ANKAR: variants seen among roughly 807,000 people sequenced by gnomAD.
ANKAR encodes the protein ankyrin and armadillo repeat-containing protein.
A neutral mutation model predicts 146.2 loss-of-function variants in ANKAR; 136 were observed. That is an observed-to-expected ratio of 0.93 (90% CI 0.81 to 1.07). The LOEUF is 1.07. Ranked by LOEUF, ANKAR falls within the 50% of genes least tolerant of loss-of-function variation. The pLI is 0.00. For missense variants in ANKAR, 1,567 were observed against 1,679.9 expected (o/e 0.93, Z 1.18); for synonymous variants, 500 against 575.8 (o/e 0.87, Z 1.88).
intron 5 of ANKAR, among the ~76,000 whole-genome samples, chr2:189,693,435 G>A (rs543107330): frequency 6.6e-6 from 1 of 152,332 alleles, no homozygotes; most frequent in East Asian, 1.9e-4. Flanking sequence ...TTAAATAGGG[G>A]TAGAGATGGG....
At chr2:189,698,233 T>A (rs1448824638) in intron 7 of ANKAR, among the ~76,000 whole-genome samples, 3 of 152,178 alleles carry the variant, frequency 2.0e-5, no homozygotes, top group Non-Finnish European at 4.4e-5. Context: ...CATAATGATG[T>A]TTTGTATTCA....
chr2:189,692,983 A>G lies in ANKAR; in HGVS notation c.1204-91A>G, dbSNP rs2036645239. The G allele has an allele frequency of 2.5e-5, 16 of 632,842 alleles. No individual in the cohort carries two copies. The South Asian group carries it at 4.7e-4, about 19-fold the overall frequency. The allele number at this position is 632,842 out of a possible 1,614,324, so 39.2% of individuals were successfully genotyped here. On this transcript the variant is annotated intron_variant, in intron 4 of 22. Transcript: ENST00000684021. ...TGGAATAGTAAATTTAAAATTTGTC[A>G]TTTACATGTATACTCTTTCATACAA...
intron 18 of ANKAR, among the ~76,000 whole-genome samples, chr2:189,758,819 G>A (rs1027757735): frequency 3.3e-5 from 5 of 152,188 alleles, no homozygotes; most frequent in South Asian, 4.1e-4. Context: ...AATTGTGAAA[G>A]TATTACAAAG....
intron 2 of ANKAR, among the ~76,000 whole-genome samples, chr2:189,689,104 G>A (rs2036038031): frequency 6.6e-6 from 1 of 152,096 alleles, no homozygotes; most frequent in Non-Finnish European, 1.5e-5. Flanking sequence ...TAAGTAGAGG[G>A]GTTTGTGACT....
intron 2 of ANKAR, among the ~76,000 whole-genome samples, chr2:189,686,467 A>G (rs2035612243): frequency 1.3e-5 from 2 of 152,184 alleles, no homozygotes; most frequent in African/African-American, 4.8e-5. Context: ...TCATTTTTTG[A>G]TAGAGTAAAA....
downstream of ANKAR, among the ~76,000 whole-genome samples, chr2:189,751,633 C>T (rs555996628): frequency 6.0e-5 from 9 of 150,916 alleles, 1 homozygote; most frequent in South Asian, 1.1e-3. Flanking sequence ...TCAGTAGAGA[C>T]GGGGTTTCAC....
chr2:189,697,791 T>C (rs935312891), intron 7 of ANKAR, among the ~76,000 whole-genome samples: 3 of 152,056 alleles, frequency 2.0e-5, no homozygotes, highest in African/African-American at 4.8e-5. Flanking sequence ...GAAAACATAG[T>C]ACTCTACTTC....
intron 2 of ANKAR, among the ~76,000 whole-genome samples, chr2:189,682,767 G>A (rs1330246287): frequency 6.6e-6 from 1 of 152,200 alleles, no homozygotes; most frequent in African/African-American, 2.4e-5. Flanking sequence ...GACAGGAAAA[G>A]TGAATAGAAA....
Position 189,677,067 on chromosome 2 carries a change from A to AT in ANKAR, c.583dup (p.Ser195PhefsTer4), listed in dbSNP as rs781010564. ...TGGAAAACCTCAAACAAATAAAGAC[A>AT]TTTTTTCAGAGTTTAGTTCAGCAGG... is the stretch of plus-strand genomic sequence containing the variant. On this transcript the variant is annotated frameshift_variant, in exon 2 of 23. Coordinates refer to ENST00000684021, the MANE Select transcript of ANKAR (RefSeq NM_001378068.1). LOFTEE classifies it high-confidence loss of function. 5.1e-6 allele frequency: 8 copies of AT among 1,559,532 alleles called. No homozygotes were observed. In the East Asian group the frequency reaches 6.8e-5, roughly 13 times the overall value.
chr2:189,683,447 G>T (rs1173850652), intron 2 of ANKAR, among the ~76,000 whole-genome samples: 1 of 152,210 alleles, frequency 6.6e-6, no homozygotes, highest in African/African-American at 2.4e-5. Flanking sequence ...TGCACTTGAG[G>T]CAAGGTACAG....
At chr2:189,733,258 A>G in intron 17 of ANKAR, 29 bp downstream of exon 17, 2 of 1,551,082 alleles carry the variant, frequency 1.3e-6, no homozygotes, top group Non-Finnish European at 1.7e-6. Flanking sequence ...ATTGAGGTTC[A>G]TTTTGAAAAA....
At chr2:189,761,573 A>AAATTTTTTTTAAAGG, downstream of ANKAR, 1 of 1,610,708 alleles carries the variant, frequency 6.2e-7, no homozygotes, top group Admixed American at 1.7e-5. Flanking sequence ...AAAACTTCTT[A>AAATTTTTTTTAAAGG]AAAATTCATA....
At chr2:189,690,522 A>G (rs2036228274) in intron 3 of ANKAR, among the ~76,000 whole-genome samples, 1 of 152,206 alleles carries the variant, frequency 6.6e-6, no homozygotes, top group Non-Finnish European at 1.5e-5. Flanking sequence ...ATGGAATTTG[A>G]TGGGACTTCA....
At chr2:189,742,849 CACAT>C (rs1346765561) in intron 20 of ANKAR, among the ~76,000 whole-genome samples, 3 of 32,428 alleles carry the variant, frequency 9.3e-5, no homozygotes, top group Non-Finnish European at 3.0e-4. Context: ...CACACACACA[CACAT>C]TAGAATTACC....
At chr2:189,687,640 G>A (rs967575603) in intron 2 of ANKAR, among the ~76,000 whole-genome samples, 1 of 151,938 alleles carries the variant, frequency 6.6e-6, no homozygotes, top group African/African-American at 2.4e-5. Flanking sequence ...CCTGTCATTT[G>A]GATAAAGGCC....
At chr2:189,693,636 G>A (rs1288600685) in intron 5 of ANKAR, among the ~76,000 whole-genome samples, 3 of 152,142 alleles carry the variant, frequency 2.0e-5, no homozygotes, top group Non-Finnish European at 4.4e-5. Context: ...GCAAGCAGTT[G>A]GGAGGATAGG....
chr2:189,720,986 AT>A (rs1447856102), intron 12 of ANKAR, among the ~76,000 whole-genome samples, 199 bp downstream of exon 12: 1 of 151,956 alleles, frequency 6.6e-6, no homozygotes, highest in Non-Finnish European at 1.5e-5. Flanking sequence ...AGTTAAATTT[AT>A]TTATATTTTA....
At chr2:189,745,015 C>CTAA (rs1251906081) in intron 22 of ANKAR, among the ~76,000 whole-genome samples, 19 of 71,780 alleles carry the variant, frequency 2.6e-4, no homozygotes, top group African/African-American at 6.2e-4. Flanking sequence ...ACTACTACTA[C>CTAA]TACTACTACT....
rs765274102 is a variant in ANKAR, at chr2:189,727,905, CAATA to C, written c.2687_2690del (p.Asn896ArgfsTer7). 1 of 1,613,954 alleles carries C rather than the reference CAATA, an allele frequency of 6.2e-7. No homozygotes were observed. The highest frequency in any genetic ancestry group is 8.5e-7 in the Non-Finnish European group (1 of 1,179,942). ...CTGCAATTGCTGAGGTTGGGCGTGA[CAATA>C]AGGAAATTCAGGATGCTATAGCTAT... On this transcript the variant is annotated frameshift_variant, in exon 13 of 23. Transcript: ENST00000684021. LOFTEE classifies it high-confidence loss of function.
Sources: gnomAD v4.1 joint callset for allele counts (sites outside exome capture counted in the v4.1 genomes callset) on GRCh38, gnomAD v4.1.1 for gene constraint, MANE v1.5 for transcripts, NCBI Gene and HGNC (gene_info 2026-07-23, HGNC 2026-07-21) for gene names.